The following SMPDL3A variants were observed in gnomAD, a reference collection of about 807,000 sequenced individuals.
SMPDL3A encodes the protein sphingomyelin phosphodiesterase acid like 3A.
SMPDL3A carries 39 observed loss-of-function variants against 38.5 expected under a neutral mutation model. The ratio of observed to expected loss-of-function variants is 1.01; its 90% confidence interval spans 0.78 to 1.32. SMPDL3A has a LOEUF of 1.32. SMPDL3A is among the 40% of genes most tolerant of loss of function. The pLI, the probability that SMPDL3A is intolerant of heterozygous loss-of-function variation, is 0.00. For synonymous variants in SMPDL3A, 180 were observed against 194.3 expected, an observed-to-expected ratio of 0.93 and a Z score of 0.61; for missense variants, 502 against 536.2, an observed-to-expected ratio of 0.94 and a Z score of 0.63.
intron 2 of SMPDL3A, 78 bp downstream of exon 2, chr6:122,795,968 C>A: frequency 9.8e-7 from 1 of 1,016,490 alleles, no homozygotes; most frequent in South Asian, 1.6e-5. Context: ...TGCTGAATTC[C>A]ATAATAAGAT....
rs569837930 is a variant in SMPDL3A at position 122,804,774 on chromosome 6, T to C, written c.739-135T>C. On this transcript the variant is annotated intron_variant, in intron 5 of 7. Coordinates refer to ENST00000368440, the MANE Select transcript of SMPDL3A (RefSeq NM_006714.5). ...TTTATAATTTCATCTCTTTTTCTTA[T>C]AAATAGAAGAGATGATATATTTGCT... The C allele has an allele frequency of 1.1e-4, 74 of 690,548 alleles. 1 individual carries two copies. The South Asian group carries it at 1.5e-3, about 14-fold the overall frequency. The allele number at this position is 690,548 out of a possible 1,614,324, so 42.8% of individuals were successfully genotyped here.
chr6:122,794,886 A>C (rs778645875), intron 1 of SMPDL3A, among the ~76,000 whole-genome samples: 1 of 152,170 alleles, frequency 6.6e-6, no homozygotes, highest in Non-Finnish European at 1.5e-5. Context: ...AGAGTGATAT[A>C]TAGTTCCTGG....
At chr6:122,791,164 T>A (rs1230159638) in intron 1 of SMPDL3A, among the ~76,000 whole-genome samples, 3 of 152,194 alleles carry the variant, frequency 2.0e-5, no homozygotes, top group Non-Finnish European at 4.4e-5. Flanking sequence ...CTTTCTTGTT[T>A]TGTGTTTTTG....
Position 122,789,455 on chromosome 6 carries a change from A to T in SMPDL3A, c.109A>T (p.Ile37Leu), listed in dbSNP as rs1355573409. ...PAGGRNPPPA[I>L]GQFWHVTDLH... The stretch of plus-strand genomic sequence containing the variant: ...AGGCGGCAGGAATCCTCCTCCGGCG[A>T]TAGGTGAGTTGTCCGCGACCCTTCT... Residue 37 changes from isoleucine to leucine, a missense_variant, in exon 1 of 8, where the codon ATA becomes TTA. Ile to Leu is a conservative substitution (Grantham distance 5, BLOSUM62 2). Coordinates refer to ENST00000368440, the MANE Select transcript of SMPDL3A (RefSeq NM_006714.5). The T allele has an allele frequency of 2.5e-5, 38 of 1,548,360 alleles. No homozygotes were observed. Among genetic ancestry groups the T allele is most frequent in the Non-Finnish European group, 3.3e-5 (38 of 1,145,396 alleles).
Position 122,803,516 on chromosome 6 carries a change from T to C in SMPDL3A, c.569-148T>C, listed in dbSNP as rs900866965. The C allele has an allele frequency of 1.9e-5, 12 of 615,532 alleles. No individual in the cohort carries two copies. The African/African-American group carries it at 2.2e-4, about 11-fold the overall frequency. 38.1% of individuals were successfully genotyped at this position (615,532 alleles called of 1,614,324 possible). A position where few individuals can be genotyped will look rare whatever the true frequency, so the allele number is the denominator to read the frequency against. ...AAATGCTTGCTAAATCTGATTCTTA[T>C]CTAATGACAGCCTATCTATGTGCAA... On this transcript the variant is annotated intron_variant, in intron 4 of 7. Transcript: ENST00000368440.
chr6:122,799,041 T>G (rs1387461944), intron 3 of SMPDL3A, among the ~76,000 whole-genome samples: 1 of 152,226 alleles, frequency 6.6e-6, no homozygotes, highest in Non-Finnish European at 1.5e-5. Flanking sequence ...TGGAGAATGT[T>G]AGAAACAAAT....
chr6:122,798,558 T>C (rs1461083912), intron 3 of SMPDL3A, among the ~76,000 whole-genome samples: 1 of 152,192 alleles, frequency 6.6e-6, no homozygotes, highest in Non-Finnish European at 1.5e-5. Context: ...CATTTGTACA[T>C]AGAAGCTAGA....
chr6:122,789,293 T>C lies in SMPDL3A; in HGVS notation c.-54T>C. The C allele has an allele frequency of 7.6e-7, 1 of 1,308,490 alleles. No individual in the cohort carries two copies. The highest frequency in any genetic ancestry group is 2.6e-5 in the East Asian group (1 of 38,614). 81.1% of individuals were successfully genotyped at this position (1,308,490 alleles called of 1,614,324 possible). On this transcript the variant is annotated 5_prime_UTR_variant, in exon 1 of 8. Transcript: ENST00000368440. The stretch of plus-strand genomic sequence containing the variant: ...TCCGCCTCACCCTCAGGCCTGACGG[T>C]CCGAGTGGAGCTGCGGGACAGCCCG...
Position 122,809,130 on chromosome 6 carries a change from C to T in SMPDL3A, c.1084C>T (p.Leu362=), listed in dbSNP as rs1562358414. 1 of 1,614,122 alleles carries T rather than the reference C, an allele frequency of 6.2e-7. No individual in the cohort carries two copies. Residue 362 remains leucine (L), a synonymous_variant, in exon 8 of 8, where the codon CTA becomes TTA. Transcript: ENST00000368440. ...TTACTTGAATCTGACAGAGGCGAAT[C>T]TAAAGGGAGAGTCCATCTGGAAGCT... ...QYYLNLTEAN[L]KGESIWKLEY...
Position 122,805,094 on chromosome 6 carries a change from T to C in SMPDL3A, c.919+5T>C, listed in dbSNP as rs773344461. ...TGGTTCTTTCAGATAAAAAAGGTAA[T>C]GTAATGCTGTGTTTGCATCTCCCCA... is the stretch of plus-strand genomic sequence containing the variant. On this transcript the variant is annotated splice_donor_5th_base_variant and intron_variant, in intron 6 of 7. Transcript: ENST00000368440. 1 of 1,591,942 alleles carries C rather than the reference T, an allele frequency of 6.3e-7. No individual in the cohort carries two copies. Among genetic ancestry groups the C allele is most frequent in the Non-Finnish European group, 8.5e-7 (1 of 1,170,914 alleles).
Position 122,802,654 on chromosome 6 carries a change from G to A in SMPDL3A, c.569-1010G>A, listed in dbSNP as rs554446183. Among the ~76,000 whole-genome samples, 59 of 152,300 alleles carry A rather than the reference G, an allele frequency of 3.9e-4. 1 individual carries two copies. The South Asian group carries it at 0.012, about 30-fold the overall frequency. The stretch of plus-strand genomic sequence containing the variant: ...AGCAGGGGAGGCAGAAAAAAGCTGA[G>A]AAGTGGAATGCAGGCCCTAAGAAAA... On this transcript the variant is annotated intron_variant, in intron 4 of 7. Transcript: ENST00000368440.
At chr6:122,803,985 T>G (rs1486984203) in intron 5 of SMPDL3A, 152 bp downstream of exon 5, 1 of 155,950 alleles carries the variant, frequency 6.4e-6, no homozygotes, top group African/African-American at 3.3e-5. Context: ...ATTTTCTTTC[T>G]TTTTTTTTTT....
chr6:122,807,510 A>G (rs982075312), intron 7 of SMPDL3A, among the ~76,000 whole-genome samples: 8 of 152,178 alleles, frequency 5.3e-5, no homozygotes, highest in African/African-American at 1.9e-4. Context: ...AAATAAAATA[A>G]AATAAAGGGA....
Position 122,809,649 on chromosome 6 carries a change from T to G in SMPDL3A, c.*241T>G. 3.1e-6 allele frequency: 1 copy of G among 325,294 alleles called. No homozygotes were observed. Among genetic ancestry groups the G allele is most frequent in the East Asian group, 5.4e-5 (1 of 18,636 alleles). 20.2% of individuals were successfully genotyped at this position (325,294 alleles called of 1,614,324 possible). Reference sequence around the variant, plus strand: ...AAATTGGATGTAAATATTCAGTTTATATAATTATATCTAATTTGTACCCTT... The same window carrying G: ...AAATTGGATGTAAATATTCAGTTTAGATAATTATATCTAATTTGTACCCTT... On this transcript the variant is annotated 3_prime_UTR_variant, in exon 8 of 8. Transcript: ENST00000368440.
intron 1 of SMPDL3A, chr6:122,789,945 TGC>T: frequency 2.2e-6 from 2 of 901,122 alleles, no homozygotes; most frequent in Non-Finnish European, 2.7e-6. Flanking sequence ...TCTTCTGTCT[TGC>T]TCGACCGAGA....
rs140004928 is a variant in SMPDL3A at position 122,801,710 on chromosome 6, G to T, written c.568+304G>T. Among the ~76,000 whole-genome samples the T allele has an allele frequency of 1.0e-3, 155 of 152,258 alleles. 2 individuals are homozygous for T. In the East Asian group the frequency reaches 0.027, roughly 27 times the overall value. The stretch of plus-strand genomic sequence containing the variant: ...TAAATAAAAGTGTATGTTTCTAATT[G>T]GAAAATTGATTGAGAAGAGAGAATG... On this transcript the variant is annotated intron_variant, in intron 4 of 7. Transcript: ENST00000368440.
chr6:122,807,374 C>A (rs1027826480), intron 7 of SMPDL3A, among the ~76,000 whole-genome samples: 10 of 152,180 alleles, frequency 6.6e-5, no homozygotes, highest in Non-Finnish European at 1.2e-4. Context: ...CGGCGGGTGC[C>A]TGTAGTCCCA....
In SMPDL3A at chr6:122,795,887, C is replaced by T. The variant is rs1210734255; in HGVS notation, c.323C>T (p.Thr108Ile). Residue 108 changes from threonine to isoleucine, a missense_variant, in exon 2 of 8, where the codon ACA becomes ATA. Coordinates refer to ENST00000368440, the MANE Select transcript of SMPDL3A (RefSeq NM_006714.5). ...CAAGAAGCATCTTTCATGATATGGA[C>T]AGGGTAAGTGATTATACAAGTACCA... ...SGQEASFMIW[T>I]GDSPPHVPVP... 6.3e-7 allele frequency: 1 copy of T among 1,599,778 alleles called. No homozygotes were observed. The highest frequency in any genetic ancestry group is 1.3e-5 in the African/African-American group (1 of 74,560).
chr6:122,808,768 G>A (rs192994769), intron 7 of SMPDL3A, among the ~76,000 whole-genome samples: 124 of 151,352 alleles, frequency 8.2e-4, no homozygotes, highest in African/African-American at 2.8e-3. Context: ...CGCAACCTCC[G>A]CCTCCCGGGT....
Sources: allele counts gnomAD v4.1 joint callset (sites outside exome capture counted in the v4.1 genomes callset), GRCh38; gene constraint gnomAD v4.1.1; transcripts MANE v1.5; gene names NCBI Gene and HGNC (gene_info 2026-07-23, HGNC 2026-07-21).